Variants in RABGAP1L observed in about 807,000 individuals in gnomAD.
The protein encoded by RABGAP1L is RAB GTPase activating protein 1 like.
RABGAP1L carries 63 observed loss-of-function variants against 137.7 expected under a neutral mutation model. The ratio of observed to expected loss-of-function variants is 0.46; its 90% CI spans 0.37 to 0.56. The LOEUF is 0.56. Among genes scored for constraint, RABGAP1L ranks in the 20% least tolerant of loss-of-function variants. RABGAP1L has a pLI of 0.00. For synonymous variants in RABGAP1L, 431 were observed against 433.7 expected (o/e 0.99, Z 0.08); for missense variants, 1,095 against 1,244.0 (o/e 0.88, Z 1.80).
chr1:174,780,658 T>C (rs1686914722), intron 18 of RABGAP1L, among the ~76,000 whole-genome samples: 1 of 151,618 alleles, frequency 6.6e-6, no homozygotes, highest in East Asian at 1.9e-4. Context: ...CATGTTGGTG[T>C]GCTGCACCCA....
intron 18 of RABGAP1L, among the ~76,000 whole-genome samples, chr1:174,802,749 A>G (rs1688868123): frequency 6.6e-6 from 1 of 152,246 alleles, no homozygotes; most frequent in Non-Finnish European, 1.5e-5. Flanking sequence ...TTCTTTAATT[A>G]GCAATATGGC....
chr1:174,361,189 A>G (rs1054497625), intron 11 of RABGAP1L, among the ~76,000 whole-genome samples: 4 of 148,706 alleles, frequency 2.7e-5, no homozygotes, highest in Admixed American at 6.7e-5. Context: ...GCTCTGTGGT[A>G]TAATTTGAAG....
chr1:174,636,068 T>G (rs868172558), intron 13 of RABGAP1L, among the ~76,000 whole-genome samples: 3 of 152,230 alleles, frequency 2.0e-5, no homozygotes, highest in African/African-American at 4.8e-5. Context: ...CCATCAGTGT[T>G]GCTATAAGTA....
intron 19 of RABGAP1L, among the ~76,000 whole-genome samples, chr1:174,870,483 T>G (rs1490481228): frequency 6.6e-6 from 1 of 152,172 alleles, no homozygotes; most frequent in Non-Finnish European, 1.5e-5. Context: ...CATGGCTAAT[T>G]CTGGTATATG....
chr1:174,931,604 A>G (rs1242803605), intron 19 of RABGAP1L, among the ~76,000 whole-genome samples: 4 of 152,202 alleles, frequency 2.6e-5, no homozygotes, highest in Non-Finnish European at 1.5e-5. Context: ...CTCTTTGCCT[A>G]AAGGTATTAA....
intron 14 of RABGAP1L, among the ~76,000 whole-genome samples, chr1:174,676,127 AT>A (rs1329485103): frequency 6.6e-6 from 1 of 152,174 alleles, no homozygotes; most frequent in Non-Finnish European, 1.5e-5. Flanking sequence ...GTATTAACTG[AT>A]GACCTTATCC....
At chr1:174,823,531 G>A (rs2148892596) in intron 19 of RABGAP1L, among the ~76,000 whole-genome samples, 1 of 152,264 alleles carries the variant, frequency 6.6e-6, no homozygotes, top group East Asian at 1.9e-4. Context: ...AACCCTTGTT[G>A]CTTCTCACTG....
chr1:174,453,372 T>C (rs1263309446), intron 13 of RABGAP1L, among the ~76,000 whole-genome samples: 1 of 152,246 alleles, frequency 6.6e-6, no homozygotes, highest in African/African-American at 2.4e-5. Flanking sequence ...ATAAATTATG[T>C]GAATTTAAAG....
rs560305413 is a variant in RABGAP1L, at chr1:174,450,012, A to G, written c.1710+55867A>G. ...GTTAAATAATGTATTTCTTCCAGCA[A>G]AGCAATCTGGTAGCTTATTAAATAT... On this transcript the variant is annotated intron_variant, in intron 13 of 25. Transcript: ENST00000681986. Among the ~76,000 whole-genome samples, 6 of 152,296 alleles carry G rather than the reference A, an allele frequency of 3.9e-5. No individual in the cohort carries two copies. In the East Asian group the frequency reaches 1.2e-3, roughly 29 times the overall value.
intron 13 of RABGAP1L, among the ~76,000 whole-genome samples, chr1:174,570,347 G>A (rs892839550): frequency 2.6e-5 from 4 of 152,184 alleles, no homozygotes; most frequent in African/African-American, 9.7e-5. Flanking sequence ...TGACCACAGA[G>A]CTTTATATCT....
Position 174,964,761 on chromosome 1 carries a change from C to T in RABGAP1L, c.2434-4516C>T. 3.0e-6 allele frequency: 4 copies of T among 1,313,218 alleles called. No individual in the cohort carries two copies. In the East Asian group the frequency reaches 1.1e-4, roughly 37 times the overall value. 81.3% of individuals were successfully genotyped at this position (1,313,218 alleles called of 1,614,324 possible). ...TCCTGAGTTGAGACTTGCCCACTGGCTACCTCAAGTATCTTTGTTCCATTG... is the reference window on the plus strand; with the variant it reads ...TCCTGAGTTGAGACTTGCCCACTGGTTACCTCAAGTATCTTTGTTCCATTG... On this transcript the variant is annotated intron_variant, in intron 20 of 25. Transcript: ENST00000681986.
At chr1:174,393,910 T>C (rs1445584903) in intron 12 of RABGAP1L, 85 bp from the exon 13 acceptor site, 3 of 1,454,886 alleles carry the variant, frequency 2.1e-6, no homozygotes, top group African/African-American at 2.8e-5. Context: ...CTTACACTTT[T>C]ATATAAACTA....
intron 18 of RABGAP1L, among the ~76,000 whole-genome samples, chr1:174,756,491 C>T (rs1043847209): frequency 6.6e-6 from 1 of 151,842 alleles, no homozygotes; most frequent in African/African-American, 2.4e-5. Context: ...AAGCCACTGA[C>T]TTTATTGATC....
chr1:174,934,950 C>T (rs1664508600), intron 19 of RABGAP1L: 1 of 152,150 alleles, frequency 6.6e-6, no homozygotes, highest in Admixed American at 6.5e-5. Flanking sequence ...TCTTGAGTGG[C>T]ATGAAAAGAT....
At chr1:174,183,706 C>T (rs924166146) in intron 1 of RABGAP1L, among the ~76,000 whole-genome samples, 1 of 152,028 alleles carries the variant, frequency 6.6e-6, no homozygotes, top group African/African-American at 2.4e-5. Context: ...GACGTGTGTC[C>T]ACCATTATTA....
At chr1:174,407,400 G>C (rs1267564211) in intron 13 of RABGAP1L, among the ~76,000 whole-genome samples, 1 of 151,438 alleles carries the variant, frequency 6.6e-6, no homozygotes, top group East Asian at 1.9e-4. Flanking sequence ...AAAGAATGCA[G>C]GGGTTAGTGG....
At chr1:174,863,244 A>AAAAAAAAG (rs924642534) in intron 19 of RABGAP1L, among the ~76,000 whole-genome samples, 24 of 151,198 alleles carry the variant, frequency 1.6e-4, no homozygotes, top group African/African-American at 4.4e-4. Context: ...AAAAAAAAAA[A>AAAAAAAAG]AAAAGAAAAA....
At chr1:174,501,665 A>G (rs984427704) in intron 13 of RABGAP1L, among the ~76,000 whole-genome samples, 1 of 152,206 alleles carries the variant, frequency 6.6e-6, no homozygotes, top group African/African-American at 2.4e-5. Flanking sequence ...GCTGCCATGT[A>G]CTAACAGTCC....
intron 13 of RABGAP1L, among the ~76,000 whole-genome samples, chr1:174,430,746 T>C (rs1486562562): frequency 6.6e-6 from 1 of 152,232 alleles, no homozygotes; most frequent in Non-Finnish European, 1.5e-5. Flanking sequence ...AGCCACATTG[T>C]TGAATATGTG....
Sources: allele counts gnomAD v4.1 joint callset (sites outside exome capture counted in the v4.1 genomes callset), GRCh38; gene constraint gnomAD v4.1.1; transcripts MANE v1.5; gene names NCBI Gene and HGNC (gene_info 2026-07-23, HGNC 2026-07-21).